Variants in SLC35D3 observed in about 807,000 individuals in gnomAD.
SLC35D3 encodes frc, fringe-like 1.
SLC35D3 carries 18 observed loss-of-function variants against 20.3 expected under a neutral mutation model. The ratio of observed to expected loss-of-function variants is 0.89; its 90% CI spans 0.61 to 1.32. SLC35D3 has a LOEUF of 1.32. Ranked by LOEUF, SLC35D3 falls within the 40% of genes most tolerant of loss-of-function variation. SLC35D3 has a pLI of 0.00. For missense variants in SLC35D3, 556 were observed against 565.5 expected (o/e 0.98, Z 0.17); for synonymous variants, 313 against 263.5 (o/e 1.19, Z -1.82).
chr6:136,923,543 C>A lies in SLC35D3; in HGVS notation c.440-342C>A, dbSNP rs1315218676. Among the ~76,000 whole-genome samples the A allele has an allele frequency of 6.6e-6, 1 of 152,220 alleles. No individual in the cohort carries two copies. Among genetic ancestry groups the A allele is most frequent in the Non-Finnish European group, 1.5e-5 (1 of 68,040 alleles). On this transcript the variant is annotated intron_variant, in intron 1 of 1. Coordinates refer to ENST00000331858, the MANE Select transcript of SLC35D3 (RefSeq NM_001008783.3). The surrounding 1 kb of genome is among the most constrained non-coding windows in gnomAD (Gnocchi z 6.2). ...GGGGCTCCGGGGTGCAGGTACCACG[C>A]GCCCAAGTGACCTCGGTGCCAGCTC...
chr6:136,924,830 A>AGCTTCACATTCTTTTGTCT lies in SLC35D3; in HGVS notation c.*134_*135insGCTTCACATTCTTTTGTCT. The AGCTTCACATTCTTTTGTCT allele has an allele frequency of 1.1e-6, 1 of 923,756 alleles. No individual in the cohort carries two copies. Among genetic ancestry groups the AGCTTCACATTCTTTTGTCT allele is most frequent in the African/African-American group, 1.7e-5 (1 of 60,026 alleles). The allele number at this position is 923,756 out of a possible 1,614,324, so 57.2% of individuals were successfully genotyped here. A position where few individuals can be genotyped will look rare whatever the true frequency, so the allele number is the denominator to read the frequency against. ...GAAGAAAAGAAAGAAGCTGAAAGGTACTGACACAGAGCAACAAAATTAGCA... is the reference window on the plus strand; with the variant it reads ...GAAGAAAAGAAAGAAGCTGAAAGGTAGCTTCACATTCTTTTGTCTCTGACACAGAGCAACAAAATTAGCA... On this transcript the variant is annotated 3_prime_UTR_variant, in exon 2 of 2. Transcript: ENST00000331858.
Position 136,922,889 on chromosome 6 carries a change from C to A in SLC35D3, c.439+22C>A. ...GCAGGTGAGCGGGCCCCCGCGCCGA[C>A]CCCCAGCCGACCCCACCCACCCCGC... is the stretch of plus-strand genomic sequence containing the variant. On this transcript the variant is annotated intron_variant, in intron 1 of 1. Coordinates refer to ENST00000331858, the MANE Select transcript of SLC35D3 (RefSeq NM_001008783.3). This position sits in a 1 kb window ranked among gnomAD's most constrained non-coding sequence, Gnocchi z 6.8. The A allele has an allele frequency of 6.6e-7, 1 of 1,505,614 alleles. No individual in the cohort carries two copies. 93.3% of individuals were successfully genotyped at this position (1,505,614 alleles called of 1,614,324 possible).
Position 136,923,968 on chromosome 6 carries a change from A to C in SLC35D3, c.523A>C (p.Ile175Leu). 2 of 1,573,288 alleles carry C rather than the reference A, an allele frequency of 1.3e-6. No homozygotes were observed. Among genetic ancestry groups the C allele is most frequent in the Non-Finnish European group, 1.7e-6 (2 of 1,165,072 alleles). ...GGTGCACGCTGCCTACCTGGTGCTC[A>C]TCCAGAAGGCCAGCGCAGACACCGA... ...VLVHAAYLVLIQKASADTEHG... is the reference protein window; with the variant it reads ...VLVHAAYLVLLQKASADTEHG... The change falls in exon 2 of 2, where the codon ATC (isoleucine) becomes CTC (leucine). Residue 175 changes from isoleucine to leucine, a missense_variant. By Grantham distance (5) the Ile-to-Leu change is conservative. Coordinates refer to ENST00000331858, the MANE Select transcript of SLC35D3 (RefSeq NM_001008783.3). This position sits in a 1 kb window ranked among gnomAD's most constrained non-coding sequence, Gnocchi z 6.2.
Position 136,923,789 on chromosome 6 carries a change from A to G in SLC35D3, c.440-96A>G, listed in dbSNP as rs1235008889. The G allele has an allele frequency of 8.3e-7, 1 of 1,209,126 alleles. No homozygotes were observed. Among genetic ancestry groups the G allele is most frequent in the Non-Finnish European group, 1.1e-6 (1 of 892,264 alleles). The allele number at this position is 1,209,126 out of a possible 1,614,324, so 74.9% of individuals were successfully genotyped here. A position where few individuals can be genotyped will look rare whatever the true frequency, so the allele number is the denominator to read the frequency against. ...CGAACCCAGTCTCCTTTCCTACCCG[A>G]CGCGTTTTCCCCGTGGGTCCCCGCC... On this transcript the variant is annotated intron_variant, in intron 1 of 1. Transcript: ENST00000331858. This position sits in a 1 kb window ranked among gnomAD's most constrained non-coding sequence, Gnocchi z 6.2.
chr6:136,922,765 C>G lies in SLC35D3; in HGVS notation c.337C>G (p.Leu113Val). 6.4e-7 allele frequency: 1 copy of G among 1,567,338 alleles called. No homozygotes were observed. Among genetic ancestry groups the G allele is most frequent in the Non-Finnish European group, 8.6e-7 (1 of 1,156,408 alleles). Reference protein sequence around the residue: ...MYVVFKRCLPLVTMLIGVLVL... With the variant: ...MYVVFKRCLPVVTMLIGVLVL... Reference sequence around the variant, plus strand: ...CGTGGTCTTCAAGCGCTGCCTGCCCCTGGTCACCATGCTCATCGGCGTCCT... The same window carrying G: ...CGTGGTCTTCAAGCGCTGCCTGCCCGTGGTCACCATGCTCATCGGCGTCCT... The change falls in exon 1 of 2, where the codon CTG (leucine) becomes GTG (valine). Residue 113 changes from leucine (L) to valine (V), a missense_variant. Transcript: ENST00000331858. This position sits in a 1 kb window ranked among gnomAD's most constrained non-coding sequence, Gnocchi z 6.8.
In SLC35D3 at chr6:136,923,829, G is replaced by T; in HGVS notation, c.440-56G>T. The T allele has an allele frequency of 6.9e-7, 1 of 1,449,776 alleles. No individual in the cohort carries two copies. Among genetic ancestry groups the T allele is most frequent in the Non-Finnish European group, 9.1e-7 (1 of 1,097,926 alleles). The allele number at this position is 1,449,776 out of a possible 1,614,324, so 89.8% of individuals were successfully genotyped here. A position where few individuals can be genotyped will look rare whatever the true frequency, so the allele number is the denominator to read the frequency against. ...GGGTCCCCGCCCACGCCAACCTGCT[G>T]TCTTCTCTCTTTTTCCTTCCCGCCC... On this transcript the variant is annotated intron_variant, in intron 1 of 1. Transcript: ENST00000331858. The surrounding 1 kb of genome is among the most constrained non-coding windows in gnomAD (Gnocchi z 6.2).
In SLC35D3 at chr6:136,922,949, C is replaced by G; in HGVS notation, c.439+82C>G. ...CAGAGACCGCGGGGATCACTGAGTT[C>G]AACGACCTCACTTCCAGATGGGGAG... is the stretch of plus-strand genomic sequence containing the variant. On this transcript the variant is annotated intron_variant, in intron 1 of 1. Coordinates refer to ENST00000331858, the MANE Select transcript of SLC35D3 (RefSeq NM_001008783.3). This position sits in a 1 kb window ranked among gnomAD's most constrained non-coding sequence, Gnocchi z 6.8. The G allele has an allele frequency of 1.2e-5, 16 of 1,362,434 alleles. No homozygotes were observed. The highest frequency in any genetic ancestry group is 1.6e-5 in the Non-Finnish European group (16 of 1,030,726). The allele number at this position is 1,362,434 out of a possible 1,614,324, so 84.4% of individuals were successfully genotyped here. A position where few individuals can be genotyped will look rare whatever the true frequency, so the allele number is the denominator to read the frequency against.
Position 136,922,762 on chromosome 6 carries a change from C to T in SLC35D3, c.334C>T (p.Pro112Ser). The T allele has an allele frequency of 6.4e-7, 1 of 1,566,792 alleles. No homozygotes were observed. Among genetic ancestry groups the T allele is most frequent in the South Asian group, 1.2e-5 (1 of 85,514 alleles). ...PMYVVFKRCL[P>S]LVTMLIGVLV... ...GTACGTGGTCTTCAAGCGCTGCCTG[C>T]CCCTGGTCACCATGCTCATCGGCGT... The change falls in exon 1 of 2, where the codon CCC becomes TCC. Residue 112 changes from proline (P) to serine (S), a missense_variant. By Grantham distance (74) the Pro-to-Ser change is moderately conservative (BLOSUM62 -1). Transcript: ENST00000331858. This position sits in a 1 kb window ranked among gnomAD's most constrained non-coding sequence, Gnocchi z 6.8.
In SLC35D3 at chr6:136,924,872, A is replaced by G; in HGVS notation, c.*176A>G. On this transcript the variant is annotated 3_prime_UTR_variant, in exon 2 of 2. Transcript: ENST00000331858. ...AAATTAGCACCTGTGTGAATTATTT[A>G]GTGTGACTTCACCTGAGGCATCACA... The G allele has an allele frequency of 1.6e-6, 1 of 611,856 alleles. No homozygotes were observed. 37.9% of individuals were successfully genotyped at this position (611,856 alleles called of 1,614,324 possible). A position where few individuals can be genotyped will look rare whatever the true frequency, so the allele number is the denominator to read the frequency against.
chr6:136,924,870 T>C lies in SLC35D3; in HGVS notation c.*174T>C. On this transcript the variant is annotated 3_prime_UTR_variant, in exon 2 of 2. Coordinates refer to ENST00000331858, the MANE Select transcript of SLC35D3 (RefSeq NM_001008783.3). ...CAAAATTAGCACCTGTGTGAATTATTTAGTGTGACTTCACCTGAGGCATCA... is the reference window on the plus strand; with the variant it reads ...CAAAATTAGCACCTGTGTGAATTATCTAGTGTGACTTCACCTGAGGCATCA... 1.6e-6 allele frequency: 1 copy of C among 611,064 alleles called. No homozygotes were observed. Among genetic ancestry groups the C allele is most frequent in the Non-Finnish European group, 2.7e-6 (1 of 369,922 alleles). 37.9% of individuals were successfully genotyped at this position (611,064 alleles called of 1,614,324 possible).
rs1263264508 is a variant in SLC35D3 at position 136,922,440 on chromosome 6, G to C, written c.12G>C (p.Leu4=). ...GCGAGGCCGGCGCGATGCGGCAGCT[G>C]TGCCGGGGCCGCGTGCTGGGCATCT... The part of the protein sequence containing the change: MRQ[L]CRGRVLGISV... The change falls in exon 1 of 2, where the codon CTG becomes CTC. Residue 4 remains leucine (L), a synonymous_variant. Transcript: ENST00000331858. This position sits in a 1 kb window ranked among gnomAD's most constrained non-coding sequence, Gnocchi z 6.8. 1.9e-6 allele frequency: 3 copies of C among 1,583,418 alleles called. No individual in the cohort carries two copies. The highest frequency in any genetic ancestry group is 2.6e-6 in the Non-Finnish European group (3 of 1,167,716).
At position 136,925,232 on chromosome 6, in the gene SLC35D3, CTTG is replaced by C. The variant is rs147705269; in HGVS notation, c.*539_*541del. On this transcript the variant is annotated 3_prime_UTR_variant, in exon 2 of 2. Transcript: ENST00000331858. ...ATCATATTTACTCTGATTCTACTCA[CTTG>C]TTTTTTAAAAATAAGTGTCCTATTA... The C allele has an allele frequency of 6.5e-6, 1 of 152,912 alleles. No individual in the cohort carries two copies. The highest frequency in any genetic ancestry group is 2.4e-5 in the African/African-American group (1 of 41,564). 9.5% of individuals were successfully genotyped at this position (152,912 alleles called of 1,614,324 possible). A position where few individuals can be genotyped will look rare whatever the true frequency, so the allele number is the denominator to read the frequency against.
rs770988372 is a variant in SLC35D3 at position 136,922,581 on chromosome 6, C to A, written c.153C>A (p.Thr51=). Residue 51 remains threonine, a synonymous_variant, in exon 1 of 2, where the codon ACC becomes ACA. Transcript: ENST00000331858. This position sits in a 1 kb window ranked among gnomAD's most constrained non-coding sequence, Gnocchi z 6.8. The part of the protein sequence containing the change: ...LTLVQCLTSS[T]AALSLELLRR... ...TGGTGCAGTGCCTGACCAGCTCCAC[C>A]GCGGCGCTGAGCCTGGAGCTGCTGC... 1 of 1,612,456 alleles carries A rather than the reference C, an allele frequency of 6.2e-7. No individual in the cohort carries two copies.
chr6:136,923,900 C>T lies in SLC35D3; in HGVS notation c.455C>T (p.Thr152Met). ...GAALAGAGDL[T>M]GDPIGYVTGV... ...TGCGCCGCAGGAGCCGGCGACCTGA[C>T]GGGCGACCCCATCGGGTACGTCACG... The change falls in exon 2 of 2, where the codon ACG (threonine) becomes ATG (methionine). Residue 152 changes from threonine (T) to methionine (M), a missense_variant. Coordinates refer to ENST00000331858, the MANE Select transcript of SLC35D3 (RefSeq NM_001008783.3). The surrounding 1 kb of genome is among the most constrained non-coding windows in gnomAD (Gnocchi z 6.2). The T allele has an allele frequency of 6.6e-7, 1 of 1,515,738 alleles. No individual in the cohort carries two copies. Among genetic ancestry groups the T allele is most frequent in the Non-Finnish European group, 8.8e-7 (1 of 1,130,554 alleles). 93.9% of individuals were successfully genotyped at this position (1,515,738 alleles called of 1,614,324 possible).
rs1054065410 is a variant in SLC35D3 at position 136,923,880 on chromosome 6, C to T, written c.440-5C>T. 3 of 1,504,992 alleles carry T rather than the reference C, an allele frequency of 2.0e-6. No individual in the cohort carries two copies. The African/African-American group carries it at 4.1e-5, about 21-fold the overall frequency. 93.2% of individuals were successfully genotyped at this position (1,504,992 alleles called of 1,614,324 possible). On this transcript the variant is annotated splice_region_variant and splice_polypyrimidine_tract_variant and intron_variant, in intron 1 of 1. Transcript: ENST00000331858. The surrounding 1 kb of genome is among the most constrained non-coding windows in gnomAD (Gnocchi z 6.2). ...GGGCTCGGCCGTCCTCCTCGTGCGCCGCAGGAGCCGGCGACCTGACGGGCG... is the reference window on the plus strand; with the variant it reads ...GGGCTCGGCCGTCCTCCTCGTGCGCTGCAGGAGCCGGCGACCTGACGGGCG...
At position 136,924,217 on chromosome 6, in the gene SLC35D3, G is replaced by C; in HGVS notation, c.772G>C (p.Val258Leu). 2 of 1,613,914 alleles carry C rather than the reference G, an allele frequency of 1.2e-6. No homozygotes were observed. The highest frequency in any genetic ancestry group is 2.2e-5 in the South Asian group (2 of 91,088). Residue 258 changes from valine (V) to leucine (L), a missense_variant, in exon 2 of 2, where the codon GTG becomes CTG. Val to Leu is a conservative substitution (Grantham distance 32). Transcript: ENST00000331858. ...YINSAVTTSF[V>L]GVVKSIATIT... ...CAATTCGGCCGTGACCACCAGCTTC[G>C]TGGGTGTGGTGAAGAGCATCGCCAC...
rs1424242753 is a variant in SLC35D3, at chr6:136,923,431, G to T, written c.440-454G>T. On this transcript the variant is annotated intron_variant, in intron 1 of 1. Coordinates refer to ENST00000331858, the MANE Select transcript of SLC35D3 (RefSeq NM_001008783.3). The surrounding 1 kb of genome is among the most constrained non-coding windows in gnomAD (Gnocchi z 6.2). ...CAGGGGGAAGCTTCACTGGGGGCCAGAACAGGCGTTCTCCCCCGCGCCTGG... is the reference window on the plus strand; with the variant it reads ...CAGGGGGAAGCTTCACTGGGGGCCATAACAGGCGTTCTCCCCCGCGCCTGG... Among the ~76,000 whole-genome samples the T allele has an allele frequency of 6.6e-6, 1 of 152,196 alleles. No homozygotes were observed. The highest frequency in any genetic ancestry group is 2.4e-5 in the African/African-American group (1 of 41,460).
Position 136,924,012 on chromosome 6 carries a change from G to T in SLC35D3, c.567G>T (p.Ala189=). ...SADTEHGPLT[A]QYVIAVSATP... is the part of the protein sequence containing the mutation. ...ACACCGAGCACGGGCCGCTCACCGCGCAGTACGTCATCGCCGTCTCTGCCA... is the reference window on the plus strand; with the variant it reads ...ACACCGAGCACGGGCCGCTCACCGCTCAGTACGTCATCGCCGTCTCTGCCA... The change falls in exon 2 of 2, where the codon GCG becomes GCT. Residue 189 remains alanine (A), a synonymous_variant. Transcript: ENST00000331858. The T allele has an allele frequency of 1.9e-6, 3 of 1,599,672 alleles. No individual in the cohort carries two copies. The highest frequency in any genetic ancestry group is 2.6e-6 in the Non-Finnish European group (3 of 1,176,436).
At position 136,923,919 on chromosome 6, in the gene SLC35D3, C is replaced by A. The variant is rs1051937019; in HGVS notation, c.474C>A (p.Tyr158Ter). 6.5e-7 allele frequency: 1 copy of A among 1,535,788 alleles called. No homozygotes were observed. The highest frequency in any genetic ancestry group is 1.4e-5 in the African/African-American group (1 of 73,244). The change falls in exon 2 of 2, where the codon TAC (tyrosine) becomes TAA (stop). Residue 158 changes from tyrosine (Y) to a stop codon, truncating the protein, a stop_gained. Coordinates refer to ENST00000331858, the MANE Select transcript of SLC35D3 (RefSeq NM_001008783.3). LOFTEE classifies it high-confidence loss of function. The surrounding 1 kb of genome is among the most constrained non-coding windows in gnomAD (Gnocchi z 6.2). Reference sequence around the variant, plus strand: ...ACCTGACGGGCGACCCCATCGGGTACGTCACGGGAGTGCTGGCGGTGCTGG... The same window carrying A: ...ACCTGACGGGCGACCCCATCGGGTAAGTCACGGGAGTGCTGGCGGTGCTGG... Reference protein sequence around the residue: ...AGDLTGDPIGYVTGVLAVLVH... With the variant: ...AGDLTGDPIG
Sources: gnomAD v4.1 joint callset for allele counts (sites outside exome capture counted in the v4.1 genomes callset) on GRCh38, gnomAD v4.1.1 for gene constraint, Gnocchi (gnomAD v3.1) non-coding constraint, MANE v1.5 for transcripts, NCBI Gene and HGNC (gene_info 2026-07-23, HGNC 2026-07-21) for gene names.